The following ZNF69 variants were observed in gnomAD, a reference collection of about 807,000 sequenced individuals.
ZNF69 encodes the protein zinc finger protein 69.
A neutral mutation model predicts 50.9 loss-of-function variants in ZNF69; 47 were observed. The ratio of observed to expected loss-of-function variants is 0.92; its 90% CI spans 0.73 to 1.18. The LOEUF is 1.18. ZNF69 is among the 50% of genes most tolerant of loss of function. The pLI is 0.00. For missense variants in ZNF69, 717 were observed against 675.1 expected (o/e 1.06, Z -0.69); for synonymous variants, 216 against 223.1 (o/e 0.97, Z 0.29).
the ZNF69 span, among the ~76,000 whole-genome samples, chr19:11,935,003 C>T: frequency 9.4e-4 from 137 of 146,022 alleles, 20 homozygotes; most frequent in African/African-American, 3.6e-3. Context: ...CTGTGAAACC[C>T]CGTCTCTACT....
At chr19:11,950,580 C>T in the ZNF69 span, 62 of 503,822 alleles carry the variant, frequency 1.2e-4, no homozygotes, top group African/African-American at 6.6e-4. Context: ...GCACCTTCAA[C>T]GGCATGGAAG....
chr19:11,950,316 A>G, the ZNF69 span: 34 of 1,520,596 alleles, frequency 2.2e-5, no homozygotes, highest in East Asian at 1.8e-4. Flanking sequence ...AATGCAAGCA[A>G]TGTGGCAAAA....
At chr19:11,950,191 G>A in the ZNF69 span, 21 of 1,613,638 alleles carry the variant, frequency 1.3e-5, no homozygotes, top group Non-Finnish European at 1.6e-5. Flanking sequence ...GCATATACAC[G>A]CAAGGACTCA....
At chr19:11,904,366 C>T (rs559867457) in intron 3 of ZNF69, among the ~76,000 whole-genome samples, 36 of 152,172 alleles carry the variant, frequency 2.4e-4, no homozygotes, top group African/African-American at 7.0e-4. Context: ...GGCAACAGGA[C>T]GAGACCCCTA....
the ZNF69 span, among the ~76,000 whole-genome samples, chr19:11,929,728 A>G: frequency 6.8e-6 from 1 of 147,972 alleles, no homozygotes; most frequent in Non-Finnish European, 1.5e-5. Flanking sequence ...AATATATGGG[A>G]TGCCGGATCT....
chr19:11,977,416 C>G, the ZNF69 span: 1 of 1,613,846 alleles, frequency 6.2e-7, no homozygotes, highest in South Asian at 1.1e-5. Context: ...TACCAAAACC[C>G]CAGGAGAAAC....
the ZNF69 span, among the ~76,000 whole-genome samples, chr19:11,939,450 C>T: frequency 6.6e-6 from 1 of 152,150 alleles, no homozygotes; most frequent in African/African-American, 2.4e-5. Context: ...ATATGGCTAG[C>T]CAGTTCTCCC....
In ZNF69 at chr19:11,905,912, C is replaced by A. The variant is rs182513978; in HGVS notation, c.1515C>A (p.Leu505=). 4 of 1,613,978 alleles carry A rather than the reference C, an allele frequency of 2.5e-6. No individual in the cohort carries two copies. The highest frequency in any genetic ancestry group is 1.3e-5 in the African/African-American group (1 of 75,004). The stretch of plus-strand genomic sequence containing the variant: ...AAAAAACTCACACTGGAGAGAAACT[C>A]TATGAATGCAAGCAATGTGGTGAAG... ...RHEKTHTGEK[L]YECKQCGEAF... The change falls in exon 4 of 4, where the codon CTC becomes CTA. Residue 505 remains leucine, a synonymous_variant. Coordinates refer to ENST00000429654, the MANE Select transcript of ZNF69 (RefSeq NM_001364730.1).
At chr19:11,934,914 C>G in the ZNF69 span, among the ~76,000 whole-genome samples, 2 of 147,550 alleles carry the variant, frequency 1.4e-5, no homozygotes, top group African/African-American at 5.3e-5. Context: ...GGTGCGGTGG[C>G]TCACGCCTGT....
At chr19:11,978,728 C>A in the ZNF69 span, 1 of 1,613,986 alleles carries the variant, frequency 6.2e-7, no homozygotes, top group Non-Finnish European at 8.5e-7. Context: ...TCCATAGTTC[C>A]AGTTCTTTTC....
the ZNF69 span, among the ~76,000 whole-genome samples, chr19:11,965,969 G>A: frequency 6.6e-6 from 1 of 152,168 alleles, no homozygotes; most frequent in African/African-American, 2.4e-5. Flanking sequence ...GGTGGCAGTT[G>A]ATTGAGAGTG....
At chr19:11,935,477 C>A in the ZNF69 span, among the ~76,000 whole-genome samples, 5 of 151,956 alleles carry the variant, frequency 3.3e-5, no homozygotes, top group Non-Finnish European at 7.4e-5. Context: ...GATGATCCAC[C>A]CACCTCAGCC....
the ZNF69 span, chr19:11,950,278 T>C: frequency 2.5e-6 from 4 of 1,590,012 alleles, no homozygotes; most frequent in Non-Finnish European, 3.4e-6. Context: ...TGGACATGAA[T>C]AGACTCACAC....
the ZNF69 span, among the ~76,000 whole-genome samples, chr19:11,933,683 C>T: frequency 6.8e-6 from 1 of 147,558 alleles, no homozygotes; most frequent in African/African-American, 2.7e-5. Flanking sequence ...GAAGGTCTCT[C>T]GATACCTTTG....
At chr19:11,973,532 A>G in the ZNF69 span, among the ~76,000 whole-genome samples, 1 of 151,796 alleles carries the variant, frequency 6.6e-6, no homozygotes. Flanking sequence ...TTCTTTCATC[A>G]CTAACATTCC....
At chr19:11,955,767 C>T in the ZNF69 span, among the ~76,000 whole-genome samples, 1 of 152,282 alleles carries the variant, frequency 6.6e-6, no homozygotes, top group South Asian at 2.1e-4. Context: ...TCCTCCTTTG[C>T]AGGTTGGAGA....
Position 11,887,986 on chromosome 19 carries a change from G to A in ZNF69, c.63G>A (p.Met21Ile). 1.2e-6 allele frequency: 2 copies of A among 1,611,964 alleles called. No homozygotes were observed. Among genetic ancestry groups the A allele is most frequent in the South Asian group, 2.2e-5 (2 of 91,064 alleles). Residue 21 changes from methionine to isoleucine, a missense_variant and splice_region_variant, in exon 1 of 4, where the codon ATG becomes ATA. Transcript: ENST00000429654. ...CCGGGACATCTGAAAGCCAGGAAATGGTGCGTGTCTGGGGCCGGGTGTCGT... is the reference window on the plus strand; with the variant it reads ...CCGGGACATCTGAAAGCCAGGAAATAGTGCGTGTCTGGGGCCGGGTGTCGT... Reference protein sequence around the residue: ...EDPGTSESQEMDPVAFDDVAV... With the variant: ...EDPGTSESQEIDPVAFDDVAV...
rs1276289692 is a variant in ZNF69, at chr19:11,905,287, T to A, written c.890T>A (p.Ile297Asn). 1 of 1,613,848 alleles carries A rather than the reference T, an allele frequency of 6.2e-7. No homozygotes were observed. Among genetic ancestry groups the A allele is most frequent in the African/African-American group, 1.3e-5 (1 of 74,870 alleles). ...AGATGCTATCGTAGACATGAAAGGA[T>A]TCACACGGGAGAGAAGGCTTATCAA... Reference protein sequence around the residue: ...SPRCYRRHERIHTGEKAYQCK... With the variant: ...SPRCYRRHERNHTGEKAYQCK... The change falls in exon 4 of 4, where the codon ATT becomes AAT. Residue 297 changes from isoleucine to asparagine, a missense_variant. By Grantham distance (149) the Ile-to-Asn change is moderately radical. Coordinates refer to ENST00000429654, the MANE Select transcript of ZNF69 (RefSeq NM_001364730.1).
chr19:11,943,237 T>G, the ZNF69 span, among the ~76,000 whole-genome samples: 1 of 152,248 alleles, frequency 6.6e-6, no homozygotes, highest in South Asian at 2.1e-4. Context: ...TGTTATGTCC[T>G]TAACTATGTT....
Sources: gnomAD v4.1 joint callset for allele counts (sites outside exome capture counted in the v4.1 genomes callset) on GRCh38, gnomAD v4.1.1 for gene constraint, MANE v1.5 for transcripts, NCBI Gene and HGNC (gene_info 2026-07-23, HGNC 2026-07-21) for gene names.